EPS15: variants seen among roughly 807,000 people sequenced by gnomAD.
The protein encoded by EPS15 is epidermal growth factor receptor substrate 15.
In EPS15, 72 loss-of-function variants were observed where a neutral mutation model predicts 113.8. The observed-to-expected ratio is 0.63, with a 90% CI of 0.52 to 0.77. The LOEUF is 0.77. Ranked by LOEUF, EPS15 falls within the 30% of genes least tolerant of loss-of-function variation. EPS15 has a pLI of 0.00. For missense variants in EPS15, 1,048 were observed against 1,045.8 expected, an observed-to-expected ratio of 1.00 and a Z score of -0.03; for synonymous variants, 344 against 363.4, an observed-to-expected ratio of 0.95 and a Z score of 0.61.
chr1:51,490,259 T>C (rs1644206976), intron 1 of EPS15: 1 of 448,108 alleles, frequency 2.2e-6, no homozygotes, highest in Non-Finnish European at 4.5e-6. Flanking sequence ...AGTCTTATTA[T>C]AAATGGTTAC....
At chr1:51,362,675 T>C (rs750821187) in intron 23 of EPS15, among the ~76,000 whole-genome samples, 12 of 152,146 alleles carry the variant, frequency 7.9e-5, no homozygotes, top group Non-Finnish European at 1.5e-4. Flanking sequence ...TATTTACAAT[T>C]GTACATGCAA....
In EPS15 at chr1:51,357,411, TATATATATATATATA is replaced by T. The variant is rs1251754459; in HGVS notation, c.2545-580_2545-566del. On this transcript the variant is annotated intron_variant, in intron 24 of 24. Coordinates refer to ENST00000371733, the MANE Select transcript of EPS15 (RefSeq NM_001981.3). ...AAAAAAATATATATATATATATATA[TATATATATATATATA>T]TTTTTTTTTTTTAAATGTGATATAT... Among the ~76,000 whole-genome samples, 46 of 59,602 alleles carry T rather than the reference TATATATATATATATA, an allele frequency of 7.7e-4. 2 individuals carry two copies. Among genetic ancestry groups the T allele is most frequent in the African/African-American group, 3.3e-3 (39 of 11,866 alleles). 39.1% of individuals were successfully genotyped at this position (59,602 alleles called of 152,430 possible).
At chr1:51,501,801 C>T (rs1644420006) in intron 1 of EPS15, among the ~76,000 whole-genome samples, 1 of 152,062 alleles carries the variant, frequency 6.6e-6, no homozygotes, top group Non-Finnish European at 1.5e-5. Flanking sequence ...TTAAGATAAA[C>T]TACATTTACC....
intron 1 of EPS15, among the ~76,000 whole-genome samples, chr1:51,509,060 T>C (rs890832440): frequency 2.0e-5 from 3 of 152,156 alleles, no homozygotes; most frequent in African/African-American, 7.2e-5. Context: ...ATCACAGTAC[T>C]TGTCACACAA....
At chr1:51,467,382 T>C (rs1654918784) in intron 5 of EPS15, among the ~76,000 whole-genome samples, 1 of 152,250 alleles carries the variant, frequency 6.6e-6, no homozygotes, top group African/African-American at 2.4e-5. Flanking sequence ...AAGTTTATTA[T>C]TCATTGCAGC....
intron 12 of EPS15, among the ~76,000 whole-genome samples, chr1:51,426,837 C>CTCTCTCTCTCTCTCTATATA (rs377211027): frequency 4.2e-5 from 6 of 143,568 alleles, no homozygotes; most frequent in African/African-American, 1.6e-4. Flanking sequence ...CTCTCTCTCT[C>CTCTCTCTCTCTCTCTATATA]TATATATATA....
intron 20 of EPS15, chr1:51,396,987 C>T (rs1648013311): frequency 6.6e-6 from 1 of 152,016 alleles, no homozygotes; most frequent in African/African-American, 2.4e-5. Context: ...CTCACACAAT[C>T]CTACCACCTC....
intron 13 of EPS15, among the ~76,000 whole-genome samples, chr1:51,412,612 A>C (rs1649838469): frequency 6.6e-6 from 1 of 152,142 alleles, no homozygotes; most frequent in South Asian, 2.1e-4. Flanking sequence ...TCATGTCTAA[A>C]TTTTTAACCT....
chr1:51,400,712 C>CAAAAAAAAAAAAAAAA (rs375748381), intron 19 of EPS15, among the ~76,000 whole-genome samples: 28 of 60,140 alleles, frequency 4.7e-4, no homozygotes, highest in Middle Eastern at 0.01. Context: ...CAAAAAACAC[C>CAAAAAAAAAAAAAAAA]AAAAAAAAAA....
At chr1:51,456,434 AC>A (rs1359806039) in intron 8 of EPS15, among the ~76,000 whole-genome samples, 1 of 152,208 alleles carries the variant, frequency 6.6e-6, no homozygotes, top group East Asian at 1.9e-4. Context: ...TAAGTCTTGA[AC>A]AAAAAGATTC....
At chr1:51,514,463 T>C (rs190534965) in intron 1 of EPS15, among the ~76,000 whole-genome samples, 81 of 152,282 alleles carry the variant, frequency 5.3e-4, no homozygotes, top group Admixed American at 2.7e-3. Flanking sequence ...CAGTACCCAA[T>C]AGTTATCTTT....
chr1:51,488,486 A>AAAAAAAAAAAC (rs1557517794), intron 1 of EPS15, among the ~76,000 whole-genome samples: 4 of 150,676 alleles, frequency 2.7e-5, no homozygotes, highest in African/African-American at 7.3e-5. Context: ...AAAAAAAAAA[A>AAAAAAAAAAAC]AAAAAAAAAA....
chr1:51,361,750 T>C (rs991048254), intron 23 of EPS15, among the ~76,000 whole-genome samples: 2 of 152,166 alleles, frequency 1.3e-5, no homozygotes, highest in African/African-American at 4.8e-5. Context: ...GTTACAGCCC[T>C]CAGCCTGATA....
intron 4 of EPS15, among the ~76,000 whole-genome samples, chr1:51,470,000 T>C (rs1655125166): frequency 6.6e-6 from 1 of 152,208 alleles, no homozygotes; most frequent in Non-Finnish European, 1.5e-5. Flanking sequence ...TCTCTTCTGT[T>C]GGAGTCAATG....
intron 1 of EPS15, 132 bp downstream of exon 1, chr1:51,519,067 C>G: frequency 5.4e-6 from 3 of 553,240 alleles, no homozygotes; most frequent in Non-Finnish European, 8.7e-6. Flanking sequence ...TTCCCTCACA[C>G]ACACCGGCCG....
chr1:51,442,023 T>A (rs1268278240), intron 11 of EPS15, among the ~76,000 whole-genome samples: 1 of 152,158 alleles, frequency 6.6e-6, no homozygotes, highest in African/African-American at 2.4e-5. Flanking sequence ...CCAAAACTCA[T>A]CTACAAAGGT....
rs7553017 is a variant in EPS15 at position 51,468,246 on chromosome 1, A to C, written c.309+227T>G. ...AAGTGTTGGGATTACAGGCGTGAGC[A>C]ACCTCACCCAGCCTATAGTTTCTCA... is the stretch of plus-strand genomic sequence containing the variant. On this transcript the variant is annotated intron_variant, in intron 5 of 24. Transcript: ENST00000371733. Among the ~76,000 whole-genome samples the C allele has an allele frequency of 0.03, 4,575 of 152,124 alleles. 75 individuals carry two copies. The highest frequency in any genetic ancestry group is 0.05 in the African/African-American group (2,078 of 41,508).
Position 51,444,913 on chromosome 1 carries a change from T to C in EPS15, c.930A>G (p.Pro310=), listed in dbSNP as rs1652884876. 2 of 1,613,938 alleles carry C rather than the reference T, an allele frequency of 1.2e-6. No homozygotes were observed. The highest frequency in any genetic ancestry group is 8.5e-7 in the Non-Finnish European group (1 of 1,179,898). ...CCTTTTGTAAACTGGCCCTGTCTGA[T>C]GGTGGAATCATTTCAGGAGTAAGAA... ...PHVLTPEMIP[P]SDRASLQKNI... The change falls in exon 11 of 25, where the codon CCA becomes CCG. Residue 310 remains proline (P), a synonymous_variant. Transcript: ENST00000371733.
At chr1:51,450,852 G>A (rs1480265037) in intron 8 of EPS15, among the ~76,000 whole-genome samples, 1 of 151,650 alleles carries the variant, frequency 6.6e-6, no homozygotes, top group Non-Finnish European at 1.5e-5. Context: ...GGAAGTTAAG[G>A]TAAAAAAATT....
Sources: allele counts gnomAD v4.1 joint callset (sites outside exome capture counted in the v4.1 genomes callset), GRCh38; gene constraint gnomAD v4.1.1; transcripts MANE v1.5; gene names NCBI Gene and HGNC (gene_info 2026-07-23, HGNC 2026-07-21).